Variants in ZNF8 observed in about 807,000 individuals in gnomAD.
The protein encoded by ZNF8 is zinc finger protein 272.
Under a neutral mutation model 12.2 loss-of-function variants are expected in ZNF8, and 9 were observed. That is an observed-to-expected ratio of 0.73 (90% CI 0.44 to 1.28). The LOEUF (loss-of-function observed/expected upper bound fraction) is 1.28, where lower values mean the gene tolerates loss of function less well. ZNF8 is among the 50% of genes most tolerant of loss of function. ZNF8 has a pLI of 0.00. For synonymous variants in ZNF8, 274 were observed against 282.3 expected, an observed-to-expected ratio of 0.97 and a Z score of 0.30; for missense variants, 664 against 729.1, an observed-to-expected ratio of 0.91 and a Z score of 1.03.
chr19:58,287,722 C>T (rs1481913036), intron 3 of ZNF8, among the ~76,000 whole-genome samples: 1 of 142,982 alleles, frequency 7.0e-6, no homozygotes, highest in Non-Finnish European at 1.5e-5. Context: ...GTCTCCTAGG[C>T]TCAAGTGTTC....
intron 3 of ZNF8, among the ~76,000 whole-genome samples, chr19:58,293,355 C>T (rs531253563): frequency 2.6e-5 from 4 of 152,206 alleles, no homozygotes; most frequent in African/African-American, 4.8e-5. Flanking sequence ...TCCCTCGATA[C>T]GTTCCTTCAG....
At chr19:58,288,691 G>T (rs1484225002) in intron 3 of ZNF8, among the ~76,000 whole-genome samples, 1 of 152,178 alleles carries the variant, frequency 6.6e-6, no homozygotes, top group Non-Finnish European at 1.5e-5. Flanking sequence ...GCCATGGGAT[G>T]TACAACCAGC....
intron 3 of ZNF8, among the ~76,000 whole-genome samples, chr19:58,288,585 G>A (rs1323396471): frequency 6.6e-6 from 1 of 152,180 alleles, no homozygotes; most frequent in Non-Finnish European, 1.5e-5. Flanking sequence ...AGCTAGGGGT[G>A]TCTAGATTGT....
rs1238831105 is a variant in ZNF8 at position 58,302,152 on chromosome 19, T to C, written c.*6616T>C. On this transcript the variant is annotated 3_prime_UTR_variant, in exon 4 of 4. Coordinates refer to ENST00000621650, the MANE Select transcript of ZNF8 (RefSeq NM_021089.3). ...CATTTTCTAAGCATGATATTCCTAC[T>C]GATTTCCTTGTAGATATTTTGAAAC... The C allele has an allele frequency of 5.3e-5, 8 of 152,230 alleles. No homozygotes were observed. The highest frequency in any genetic ancestry group is 1.2e-4 in the Non-Finnish European group (8 of 68,042). The allele number at this position is 152,230 out of a possible 1,614,324, so 9.4% of individuals were successfully genotyped here. A position where few individuals can be genotyped will look rare whatever the true frequency, so the allele number is the denominator to read the frequency against.
In ZNF8 at chr19:58,298,961, C is replaced by T. The variant is rs1249079544; in HGVS notation, c.*3425C>T. The T allele has an allele frequency of 2.6e-5, 4 of 151,314 alleles. 1 individual carries two copies. Among genetic ancestry groups the T allele is most frequent in the Admixed American group, 1.3e-4 (2 of 15,246 alleles). The allele number at this position is 151,314 out of a possible 1,614,324, so 9.4% of individuals were successfully genotyped here. ...CTGTAGCTGGGACTGCAGGCATGCA[C>T]CACCACACTCAGCAGATTTCTTAAT... On this transcript the variant is annotated 3_prime_UTR_variant, in exon 4 of 4. Coordinates refer to ENST00000621650, the MANE Select transcript of ZNF8 (RefSeq NM_021089.3).
In ZNF8 at chr19:58,279,069, T is replaced by C; in HGVS notation, c.-13T>C. 1 of 1,477,726 alleles carries C rather than the reference T, an allele frequency of 6.8e-7. No homozygotes were observed. The highest frequency in any genetic ancestry group is 9.0e-7 in the Non-Finnish European group (1 of 1,106,480). 91.5% of individuals were successfully genotyped at this position (1,477,726 alleles called of 1,614,324 possible). A position where few individuals can be genotyped will look rare whatever the true frequency, so the allele number is the denominator to read the frequency against. On this transcript the variant is annotated 5_prime_UTR_variant, in exon 1 of 4. Coordinates refer to ENST00000621650, the MANE Select transcript of ZNF8 (RefSeq NM_021089.3). ...GATCACCTCAGGCGCTGTCCTTCAC[T>C]GGGCGATCCAGCATGGACCCCGAGG...
Position 58,299,826 on chromosome 19 carries a change from A to ACAACT in ZNF8, c.*4293_*4297dup, listed in dbSNP as rs1369064625. 1 of 152,156 alleles carries ACAACT rather than the reference A, an allele frequency of 6.6e-6. No homozygotes were observed. Among genetic ancestry groups the ACAACT allele is most frequent in the Non-Finnish European group, 1.5e-5 (1 of 68,030 alleles). 9.4% of individuals were successfully genotyped at this position (152,156 alleles called of 1,614,324 possible). A position where few individuals can be genotyped will look rare whatever the true frequency, so the allele number is the denominator to read the frequency against. On this transcript the variant is annotated 3_prime_UTR_variant, in exon 4 of 4. Coordinates refer to ENST00000621650, the MANE Select transcript of ZNF8 (RefSeq NM_021089.3). The stretch of plus-strand genomic sequence containing the variant: ...TTGCTTTTTGGATGCTGGGAGTGTC[A>ACAACT]CAACTCAGCTATCCAATCAAGGCAG...
Position 58,300,730 on chromosome 19 carries a change from C to T in ZNF8, c.*5194C>T, listed in dbSNP as rs1046562303. ...GTATCTGCTGCTTTTCTCCTTCAAG[C>T]TCTTGGGAGAATCGCTTGTGCTCCC... On this transcript the variant is annotated 3_prime_UTR_variant, in exon 4 of 4. Coordinates refer to ENST00000621650, the MANE Select transcript of ZNF8 (RefSeq NM_021089.3). The T allele has an allele frequency of 1.3e-5, 2 of 152,228 alleles. No individual in the cohort carries two copies. The highest frequency in any genetic ancestry group is 2.4e-5 in the African/African-American group (1 of 41,408). 9.4% of individuals were successfully genotyped at this position (152,228 alleles called of 1,614,324 possible). A position where few individuals can be genotyped will look rare whatever the true frequency, so the allele number is the denominator to read the frequency against.
Position 58,296,596 on chromosome 19 carries a change from A to T in ZNF8, c.*1060A>T, listed in dbSNP as rs2147962448. On this transcript the variant is annotated 3_prime_UTR_variant, in exon 4 of 4. Transcript: ENST00000621650. ...TTTTGGTAGAAATGGGGTGTTGGCC[A>T]GGCTGATCTCAAACTCCTGACCTCG... is the stretch of plus-strand genomic sequence containing the variant. The T allele has an allele frequency of 6.6e-6, 1 of 152,264 alleles. No homozygotes were observed. The highest frequency in any genetic ancestry group is 1.9e-4 in the East Asian group (1 of 5,150). 9.4% of individuals were successfully genotyped at this position (152,264 alleles called of 1,614,324 possible).
chr19:58,298,895 C>T lies in ZNF8; in HGVS notation c.*3359C>T, dbSNP rs1197945924. On this transcript the variant is annotated 3_prime_UTR_variant, in exon 4 of 4. Coordinates refer to ENST00000621650, the MANE Select transcript of ZNF8 (RefSeq NM_021089.3). Reference sequence around the variant, plus strand: ...ACTTGCTCTGTCACGTGGTTCACTGCAACCTCCCAGGTTCAAGCAATTCTC... The same window carrying T: ...ACTTGCTCTGTCACGTGGTTCACTGTAACCTCCCAGGTTCAAGCAATTCTC... 1 of 151,074 alleles carries T rather than the reference C, an allele frequency of 6.6e-6. No individual in the cohort carries two copies. Among genetic ancestry groups the T allele is most frequent in the Non-Finnish European group, 1.5e-5 (1 of 67,950 alleles). The allele number at this position is 151,074 out of a possible 1,614,324, so 9.4% of individuals were successfully genotyped here. A position where few individuals can be genotyped will look rare whatever the true frequency, so the allele number is the denominator to read the frequency against.
Position 58,294,872 on chromosome 19 carries a change from C to G in ZNF8, c.1064C>G (p.Ser355Cys), listed in dbSNP as rs968132829. 1 of 1,614,030 alleles carries G rather than the reference C, an allele frequency of 6.2e-7. No homozygotes were observed. The highest frequency in any genetic ancestry group is 8.5e-7 in the Non-Finnish European group (1 of 1,179,994). ...DCGRAFNQNS[S>C]LGRHKRTHTG... ...GGGAGGGCCTTCAACCAGAACTCCT[C>G]CCTGGGGCGGCACAAGAGGACACAC... Residue 355 changes from serine (S) to cysteine (C), a missense_variant, in exon 4 of 4, where the codon TCC becomes TGC. By Grantham distance (112) the Ser-to-Cys change is moderately radical. Transcript: ENST00000621650. The surrounding 1 kb of genome is among the most constrained non-coding windows in gnomAD (Gnocchi z 5.5).
Position 58,295,070 on chromosome 19 carries a change from G to A in ZNF8, c.1262G>A (p.Gly421Glu), listed in dbSNP as rs1244917045. Reference protein sequence around the residue: ...SLAQHQRKHAGEKPFECRQRL... With the variant: ...SLAQHQRKHAEEKPFECRQRL... ...GCCCAGCACCAGCGGAAGCACGCGGGGGAGAAGCCCTTTGAGTGCCGCCAG... is the reference window on the plus strand; with the variant it reads ...GCCCAGCACCAGCGGAAGCACGCGGAGGAGAAGCCCTTTGAGTGCCGCCAG... Residue 421 changes from glycine (G) to glutamate (E), a missense_variant, in exon 4 of 4, where the codon GGG becomes GAG. Physicochemically the swap from Gly to Glu is moderately conservative, Grantham distance 98 (BLOSUM62 -2). Around this residue, in one of 3 missense-constraint regions of ZNF8, gnomAD observed 225 missense variants for 222.0 expected, o/e 1.01. Coordinates refer to ENST00000621650, the MANE Select transcript of ZNF8 (RefSeq NM_021089.3). 1 of 1,614,090 alleles carries A rather than the reference G, an allele frequency of 6.2e-7. No individual in the cohort carries two copies. Among genetic ancestry groups the A allele is most frequent in the Admixed American group, 1.7e-5 (1 of 60,028 alleles).
rs1017227246 is a variant in ZNF8 at position 58,295,396 on chromosome 19, G to C, written c.1588G>C (p.Ala530Pro). ...SRKSSAGGAKAGQPESRALAL... is the reference protein window; with the variant it reads ...SRKSSAGGAKPGQPESRALAL... ...AAAGAGCTCTGCAGGCGGAGCAAAG[G>C]CAGGGCAGCCGGAAAGCAGAGCCCT... is the stretch of plus-strand genomic sequence containing the variant. The change falls in exon 4 of 4, where the codon GCA becomes CCA. Residue 530 changes from alanine to proline, a missense_variant. Physicochemically the swap from Ala to Pro is conservative, Grantham distance 27. Around this residue, in one of 3 missense-constraint regions of ZNF8, gnomAD observed 225 missense variants for 222.0 expected, o/e 1.01. Transcript: ENST00000621650. 1.9e-6 allele frequency: 3 copies of C among 1,614,142 alleles called. No individual in the cohort carries two copies. Among genetic ancestry groups the C allele is most frequent in the East Asian group, 4.5e-5 (2 of 44,878 alleles).
In ZNF8 at chr19:58,295,853, G is replaced by T; in HGVS notation, c.*317G>T. 1 of 284,810 alleles carries T rather than the reference G, an allele frequency of 3.5e-6. No individual in the cohort carries two copies. 17.6% of individuals were successfully genotyped at this position (284,810 alleles called of 1,614,324 possible). ...TTTGTAAAGGATCATTAAAATGAAA[G>T]TAATTTATGGTAGAGTAAATTGTAG... On this transcript the variant is annotated 3_prime_UTR_variant, in exon 4 of 4. Transcript: ENST00000621650.
chr19:58,295,068 G>A lies in ZNF8; in HGVS notation c.1260G>A (p.Ala420=), dbSNP rs142948937. The A allele has an allele frequency of 6.1e-5, 98 of 1,613,894 alleles. No homozygotes were observed. The highest frequency in any genetic ancestry group is 4.8e-4 in the South Asian group (44 of 91,080). The change falls in exon 4 of 4, where the codon GCG becomes GCA. Residue 420 remains alanine, a synonymous_variant. Transcript: ENST00000621650. ...SSLAQHQRKH[A]GEKPFECRQR... ...TGGCCCAGCACCAGCGGAAGCACGC[G>A]GGGGAGAAGCCCTTTGAGTGCCGCC...
At chr19:58,287,338 T>G (rs1325676808) in intron 3 of ZNF8, among the ~76,000 whole-genome samples, 1 of 24,594 alleles carries the variant, frequency 4.1e-5, no homozygotes, top group Non-Finnish European at 1.1e-4. Context: ...CATGCCCAGC[T>G]TTTTTTTTTT....
At position 58,300,891 on chromosome 19, in the gene ZNF8, C is replaced by T. The variant is rs142072231; in HGVS notation, c.*5355C>T. The T allele has an allele frequency of 6.6e-6, 1 of 152,502 alleles. No homozygotes were observed. Among genetic ancestry groups the T allele is most frequent in the Admixed American group, 6.5e-5 (1 of 15,298 alleles). The allele number at this position is 152,502 out of a possible 1,614,324, so 9.4% of individuals were successfully genotyped here. A position where few individuals can be genotyped will look rare whatever the true frequency, so the allele number is the denominator to read the frequency against. On this transcript the variant is annotated 3_prime_UTR_variant, in exon 4 of 4. Transcript: ENST00000621650. ...TCCCCAGGACTGTGAAGCCTGCTAA[C>T]CTCTTTGCAGAGCTCCATCTCCTTG... is the stretch of plus-strand genomic sequence containing the variant.
intron 3 of ZNF8, among the ~76,000 whole-genome samples, chr19:58,293,736 C>A (rs1021862435): frequency 1.3e-5 from 2 of 152,296 alleles, no homozygotes; most frequent in Middle Eastern, 3.4e-3. Flanking sequence ...CGGGAAGATG[C>A]AAGGATTTTC....
chr19:58,292,867 C>CCACTATGAACATTAGTGT (rs1250796524), intron 3 of ZNF8, among the ~76,000 whole-genome samples: 47 of 151,706 alleles, frequency 3.1e-4, no homozygotes, highest in African/African-American at 1.1e-3. Context: ...ATTAATAGTG[C>CCACTATGAACATTAGTGT]CACTATGAAC....
Sources: allele counts gnomAD v4.1 joint callset (sites outside exome capture counted in the v4.1 genomes callset), GRCh38; gene constraint gnomAD v4.1.1; regional missense constraint gnomAD v4.1.1; non-coding constraint Gnocchi (gnomAD v3.1); transcripts MANE v1.5; gene names NCBI Gene and HGNC (gene_info 2026-07-23, HGNC 2026-07-21).